ADD3: variants seen among roughly 807,000 people sequenced by gnomAD.
The protein encoded by ADD3 is gamma-adducin.
Under a neutral mutation model 80.2 loss-of-function variants are expected in ADD3, and 25 were observed. The ratio of observed to expected loss-of-function variants is 0.31; its 90% CI spans 0.23 to 0.44. ADD3 has a LOEUF of 0.44. Ranked by LOEUF, ADD3 falls within the 20% of genes least tolerant of loss-of-function variation. ADD3 has a pLI of 1.00. For synonymous variants in ADD3, 284 were observed against 289.6 expected (o/e 0.98, Z 0.20); for missense variants, 829 against 847.5 (o/e 0.98, Z 0.27).
At chr10:110,065,272 A>G (rs1290715953) in intron 1 of ADD3, among the ~76,000 whole-genome samples, 1 of 152,032 alleles carries the variant, frequency 6.6e-6, no homozygotes, top group Non-Finnish European at 1.5e-5. Flanking sequence ...AGCAATTTGA[A>G]TATATTTCTT....
chr10:110,068,892 C>T (rs771695769), intron 1 of ADD3, among the ~76,000 whole-genome samples: 1 of 151,942 alleles, frequency 6.6e-6, no homozygotes, highest in Admixed American at 6.6e-5. Context: ...GCCTGGGCAA[C>T]GTGGTGAGAC....
rs144738008 is a variant in ADD3, at chr10:110,124,089, A to G, written c.1216A>G (p.Ile406Val). 1.3e-5 allele frequency: 21 copies of G among 1,614,154 alleles called. No homozygotes were observed. The African/African-American group carries it at 2.0e-4, about 15-fold the overall frequency. The change falls in exon 10 of 15, where the codon ATC becomes GTC. Residue 406 changes from isoleucine to valine, a missense_variant. Ile to Val is a conservative substitution (Grantham distance 29). Coordinates refer to ENST00000356080, the MANE Select transcript of ADD3 (RefSeq NM_016824.5). ...GCCTAGGCACAAGAGTGATGTGGAA[A>G]TCCCAGCAACTGTGACTGCTTTTTC... is the stretch of plus-strand genomic sequence containing the variant. ...EKPRHKSDVE[I>V]PATVTAFSFE...
chr10:110,047,339 G>A (rs77763308), intron 1 of ADD3, among the ~76,000 whole-genome samples: 2 of 152,288 alleles, frequency 1.3e-5, no homozygotes, highest in South Asian at 2.1e-4. Flanking sequence ...TGTACTTATA[G>A]TTGGAGACTT....
In ADD3 at chr10:110,069,254, C is replaced by G. The variant is rs117838675; in HGVS notation, c.-29-31371C>G. On this transcript the variant is annotated intron_variant, in intron 1 of 14. Coordinates refer to ENST00000356080, the MANE Select transcript of ADD3 (RefSeq NM_016824.5). ...CATGATTGTATATGCTGTAAATGAT[C>G]TGCATATTCTTCTTCATAAAAATGG... 9.7e-4 allele frequency among the ~76,000 whole-genome samples: 148 copies of G among 152,214 alleles called. 1 individual carries two copies. Among genetic ancestry groups the G allele is most frequent in the African/African-American group, 3.4e-3 (141 of 41,508 alleles).
chr10:110,105,842 T>C (rs945004006), intron 2 of ADD3, among the ~76,000 whole-genome samples: 1 of 152,232 alleles, frequency 6.6e-6, no homozygotes, highest in African/African-American at 2.4e-5. Context: ...GTTGAGAAGT[T>C]TAAGATGCAG....
chr10:110,114,001 C>G (rs1436967507), intron 3 of ADD3, among the ~76,000 whole-genome samples: 1 of 152,130 alleles, frequency 6.6e-6, no homozygotes, highest in South Asian at 2.1e-4. Flanking sequence ...CTCAAAAGCT[C>G]AAAGAGGAAG....
intron 1 of ADD3, among the ~76,000 whole-genome samples, chr10:110,037,174 C>A (rs1054960079): frequency 6.6e-6 from 1 of 152,160 alleles, no homozygotes; most frequent in Non-Finnish European, 1.5e-5. Flanking sequence ...CCTGGACTTG[C>A]CTAAAGTTTT....
intron 1 of ADD3, among the ~76,000 whole-genome samples, chr10:110,054,467 A>C (rs1472170464): frequency 9.8e-5 from 11 of 111,698 alleles, no homozygotes; most frequent in African/African-American, 3.8e-4. Flanking sequence ...TTTGAGATGG[A>C]GTCTTGCCAT....
intron 1 of ADD3, among the ~76,000 whole-genome samples, chr10:110,029,511 ATTTT>A (rs1428583064): frequency 6.6e-6 from 1 of 152,202 alleles, no homozygotes; most frequent in Non-Finnish European, 1.5e-5. Context: ...TTTGCTATAT[ATTTT>A]GAGATATTTA....
chr10:110,128,237 C>G (rs1485237629), intron 12 of ADD3, among the ~76,000 whole-genome samples: 1 of 151,534 alleles, frequency 6.6e-6, no homozygotes, highest in Non-Finnish European at 1.5e-5. Context: ...GTGTTTTCTT[C>G]CCATTTCTTT....
At chr10:110,087,420 TC>T (rs1178590811) in intron 1 of ADD3, among the ~76,000 whole-genome samples, 3 of 152,366 alleles carry the variant, frequency 2.0e-5, no homozygotes, top group African/African-American at 7.2e-5. Context: ...TAACAGTGTT[TC>T]CGCTATGATG....
Position 110,053,538 on chromosome 10 carries a change from C to T in ADD3, c.-30+45239C>T, listed in dbSNP as rs563681642. Among the ~76,000 whole-genome samples, 208 of 146,582 alleles carry T rather than the reference C, an allele frequency of 1.4e-3. 2 individuals carry two copies. The highest frequency in any genetic ancestry group is 5.4e-3 in the African/African-American group (197 of 36,290). On this transcript the variant is annotated intron_variant, in intron 1 of 14. Coordinates refer to ENST00000356080, the MANE Select transcript of ADD3 (RefSeq NM_016824.5). ...TTCTATGAGTAAACTTAAAGTAGTA[C>T]ATTTTCTCTCACAGGGTGTACTTGT...
chr10:110,012,102 G>A (rs1852406613), intron 1 of ADD3, among the ~76,000 whole-genome samples: 1 of 152,196 alleles, frequency 6.6e-6, no homozygotes, highest in Non-Finnish European at 1.5e-5. Context: ...GTATACGTAT[G>A]TCAAACCATG....
chr10:110,098,175 G>A (rs995520988), intron 1 of ADD3, among the ~76,000 whole-genome samples: 21 of 152,288 alleles, frequency 1.4e-4, no homozygotes, highest in Middle Eastern at 3.4e-3. Flanking sequence ...TTGATTCAGA[G>A]GAGCCTGGTC....
At chr10:110,118,026 A>G (rs1173372427) in intron 5 of ADD3, among the ~76,000 whole-genome samples, 1 of 54,564 alleles carries the variant, frequency 1.8e-5, no homozygotes, top group Admixed American at 1.4e-4. Context: ...CAATACACAC[A>G]CACACACACA....
At chr10:110,014,833 TAC>T (rs1295214177) in intron 1 of ADD3, among the ~76,000 whole-genome samples, 2 of 152,258 alleles carry the variant, frequency 1.3e-5, no homozygotes, top group Admixed American at 1.3e-4. Context: ...AGCCTTCTTT[TAC>T]AGTTTTTATT....
intron 1 of ADD3, among the ~76,000 whole-genome samples, chr10:110,086,663 A>C (rs2133824711): frequency 6.6e-6 from 1 of 152,290 alleles, no homozygotes; most frequent in African/African-American, 2.4e-5. Flanking sequence ...GCCACCATGC[A>C]AAGATGTGCT....
Position 110,116,394 on chromosome 10 carries a change from C to T in ADD3, c.470C>T (p.Ala157Val). 6.2e-7 allele frequency: 1 copy of T among 1,614,036 alleles called. No individual in the cohort carries two copies. Among genetic ancestry groups the T allele is most frequent in the Non-Finnish European group, 8.5e-7 (1 of 1,179,968 alleles). ...LVDLFGWAHL[A>V]NTYISVRISK... ...GACTTGTTTGGATGGGCACACCTGGCAAATACCTATATCTCAGTGAGTTCT... is the reference window on the plus strand; with the variant it reads ...GACTTGTTTGGATGGGCACACCTGGTAAATACCTATATCTCAGTGAGTTCT... The change falls in exon 4 of 15, where the codon GCA becomes GTA. Residue 157 changes from alanine to valine, a missense_variant. Transcript: ENST00000356080.
At chr10:110,008,997 C>T (rs1281556774) in intron 1 of ADD3, among the ~76,000 whole-genome samples, 2 of 152,172 alleles carry the variant, frequency 1.3e-5, no homozygotes, top group African/African-American at 4.8e-5. Flanking sequence ...GCTATTATAG[C>T]TTAGGCAAGA....
Sources: gnomAD v4.1 joint callset for allele counts (sites outside exome capture counted in the v4.1 genomes callset) on GRCh38, gnomAD v4.1.1 for gene constraint, MANE v1.5 for transcripts, NCBI Gene and HGNC (gene_info 2026-07-23, HGNC 2026-07-21) for gene names.